The following ARSG variants were observed in gnomAD, a reference collection of about 807,000 sequenced individuals.
The protein encoded by ARSG is ASG.
A neutral mutation model predicts 50.5 loss-of-function variants in ARSG; 37 were observed. That is an observed-to-expected ratio of 0.73 (90% CI 0.56 to 0.96). ARSG has a LOEUF of 0.96. Ranked by LOEUF, ARSG falls within the 50% of genes least tolerant of loss-of-function variation. The pLI, the probability that ARSG is intolerant of heterozygous loss-of-function variation, is 0.00. For missense variants in ARSG, 629 were observed against 675.3 expected (o/e 0.93, Z 0.76); for synonymous variants, 225 against 254.6 (o/e 0.88, Z 1.11).
chr17:68,298,594 CAAAAA>C lies in ARSG; in HGVS notation c.-552+7044_-552+7048del, dbSNP rs562725952. On this transcript the variant is annotated intron_variant, in intron 1 of 11. Coordinates refer to ENST00000621439, the MANE Select transcript of ARSG (RefSeq NM_001267727.2). ...TGGGTGACAGAGCGGGATCCTGTCT[CAAAAA>C]AAAAAAAAAAAAAAAAAGAGAAGAA... is the stretch of plus-strand genomic sequence containing the variant. Among the ~76,000 whole-genome samples, 8 of 64,836 alleles carry C rather than the reference CAAAAA, an allele frequency of 1.2e-4. No homozygotes were observed. In the South Asian group the frequency reaches 3.8e-3, roughly 31 times the overall value. The allele number at this position is 64,836 out of a possible 152,430, so 42.5% of individuals were successfully genotyped here.
chr17:68,283,878 C>CAA (rs58291216), intron 1 of ARSG, among the ~76,000 whole-genome samples: 4,643 of 55,364 alleles, frequency 0.084, 476 homozygotes, highest in African/African-American at 0.26. Flanking sequence ...AACTCCGTCT[C>CAA]AAAAAAAAAA....
chr17:68,451,111 G>A, the ARSG span, among the ~76,000 whole-genome samples: 1 of 152,226 alleles, frequency 6.6e-6, no homozygotes, highest in African/African-American at 2.4e-5. Context: ...CACTTTCAGA[G>A]TCCTTTCCAA....
At chr17:68,291,988 C>T (rs1484152606) in intron 1 of ARSG, among the ~76,000 whole-genome samples, 1 of 152,014 alleles carries the variant, frequency 6.6e-6, no homozygotes, top group African/African-American at 2.4e-5. Context: ...GCGCGCGCGG[C>T]GCCTGAGTTC....
At chr17:68,414,674 T>G (rs2147456024) in intron 11 of ARSG, among the ~76,000 whole-genome samples, 1 of 152,288 alleles carries the variant, frequency 6.6e-6, no homozygotes, top group African/African-American at 2.4e-5. Flanking sequence ...GTTGTTGTTG[T>G]TGTTGGTAAT....
At chr17:68,293,169 C>G (rs2145285686) in intron 1 of ARSG, among the ~76,000 whole-genome samples, 1 of 152,324 alleles carries the variant, frequency 6.6e-6, no homozygotes, top group East Asian at 1.9e-4. Flanking sequence ...TTGAACACTT[C>G]ATGCTAATGC....
chr17:68,290,835 C>T (rs1325554910), upstream of ARSG, among the ~76,000 whole-genome samples: 1 of 152,152 alleles, frequency 6.6e-6, no homozygotes, highest in Non-Finnish European at 1.5e-5. Flanking sequence ...TTCCGGGACC[C>T]AACTGTACCA....
At chr17:68,433,778 T>G in the ARSG span, among the ~76,000 whole-genome samples, 2 of 65,754 alleles carry the variant, frequency 3.0e-5, no homozygotes, top group African/African-American at 9.3e-5. Flanking sequence ...TTTTTTTTTT[T>G]TTTTTTTTTT....
chr17:68,438,043 G>A, the ARSG span, among the ~76,000 whole-genome samples: 1 of 149,330 alleles, frequency 6.7e-6, no homozygotes, highest in Non-Finnish European at 1.5e-5. Context: ...AAAACTTTAG[G>A]TCAGGCTGAA....
At position 68,271,542 on chromosome 17, in the gene ARSG, T is replaced by C. The variant is rs2075339967; in HGVS notation, c.-552+12116T>C. 1 of 1,614,106 alleles carries C rather than the reference T, an allele frequency of 6.2e-7. No individual in the cohort carries two copies. The highest frequency in any genetic ancestry group is 1.3e-5 in the African/African-American group (1 of 74,942). ...TGACTATTTTCGGTGACGCTGGTCC[T>C]CTGATAAAGATGGGTCTGAGCAGTG... On this transcript the variant is annotated intron_variant, in intron 1 of 11. Transcript: ENST00000448504. This position sits in a 1 kb window ranked among gnomAD's most constrained non-coding sequence, Gnocchi z 5.3.
intron 2 of ARSG, among the ~76,000 whole-genome samples, chr17:68,319,828 A>G (rs2077208720): frequency 6.6e-6 from 1 of 151,958 alleles, no homozygotes; most frequent in South Asian, 2.1e-4. Context: ...CATATCTCCT[A>G]CTCCTTTTGC....
rs11077495 is a variant in ARSG at position 68,346,735 on chromosome 17, C to T, written c.407-390C>T. Reference sequence around the variant, plus strand: ...CGGGCATTTCTGAGACGATGTGGGGCGGTGCACCTGCACCCTGGGCCTCCT... The same window carrying T: ...CGGGCATTTCTGAGACGATGTGGGGTGGTGCACCTGCACCCTGGGCCTCCT... On this transcript the variant is annotated intron_variant, in intron 3 of 11. Coordinates refer to ENST00000621439, the MANE Select transcript of ARSG (RefSeq NM_001267727.2). The T allele has an allele frequency of 0.013, 16,271 of 1,266,094 alleles. 918 individuals are homozygous for T. The Admixed American group carries it at 0.14, about 11-fold the overall frequency. The allele number at this position is 1,266,094 out of a possible 1,614,324, so 78.4% of individuals were successfully genotyped here.
At chr17:68,436,480 C>G in the ARSG span, 39 of 1,613,564 alleles carry the variant, frequency 2.4e-5, no homozygotes, top group Non-Finnish European at 3.1e-5. Flanking sequence ...GCACATAGAC[C>G]TGGCAAAGAA....
chr17:68,420,192 G>A lies in ARSG; in HGVS notation c.1307G>A (p.Gly436Glu), dbSNP rs746784057. The A allele has an allele frequency of 5.6e-6, 9 of 1,613,882 alleles. No homozygotes were observed. The highest frequency in any genetic ancestry group is 1.3e-5 in the African/African-American group (1 of 75,012). Residue 436 changes from glycine (G) to glutamate (E), a missense_variant, in exon 12 of 12, where the codon GGA becomes GAA. Physicochemically the swap from Gly to Glu is moderately conservative, Grantham distance 98. Transcript: ENST00000621439. ...ERYKAFYITG[G>E]ARACDGSTGP... ...TTTGTTGTCATTCCCTCTCTAGGTG[G>A]AGCCAGGGCGTGTGATGGGAGCACG... is the stretch of plus-strand genomic sequence containing the variant.
chr17:68,264,392 C>T (rs1378355410), intron 1 of ARSG, among the ~76,000 whole-genome samples: 2 of 152,236 alleles, frequency 1.3e-5, no homozygotes, highest in Middle Eastern at 3.4e-3. Context: ...GGTTTGGACA[C>T]ATTTTGTATT....
chr17:68,376,862 C>T (rs1599952728), intron 8 of ARSG, among the ~76,000 whole-genome samples: 1 of 142,206 alleles, frequency 7.0e-6, no homozygotes. Flanking sequence ...CCTCAGTCAT[C>T]TTTTTTTTTT....
intron 1 of ARSG, chr17:68,270,697 A>T (rs1343206893): frequency 2.9e-6 from 2 of 701,014 alleles, no homozygotes; most frequent in East Asian, 5.4e-5. Flanking sequence ...GGGCTGGCTC[A>T]GGTAATCTCT....
intron 6 of ARSG, among the ~76,000 whole-genome samples, chr17:68,365,767 G>A (rs531180086): frequency 6.6e-5 from 10 of 152,192 alleles, no homozygotes; most frequent in South Asian, 4.1e-4. Context: ...AGATGTCACC[G>A]AATATGGCAT....
intron 9 of ARSG, among the ~76,000 whole-genome samples, chr17:68,391,901 C>T (rs2081009749): frequency 1.3e-5 from 2 of 152,184 alleles, no homozygotes; most frequent in African/African-American, 4.8e-5. Context: ...ACATTCTGCA[C>T]TGTAGTCAAT....
At chr17:68,346,943 T>C (rs2078533694) in intron 3 of ARSG, 182 bp from the exon 4 acceptor site, 1 of 1,511,108 alleles carries the variant, frequency 6.6e-7, no homozygotes, top group African/African-American at 1.4e-5. Flanking sequence ...TATGTGTCCC[T>C]GTGGACACCG....
Sources: gnomAD v4.1 joint callset for allele counts (sites outside exome capture counted in the v4.1 genomes callset) on GRCh38, gnomAD v4.1.1 for gene constraint, Gnocchi (gnomAD v3.1) non-coding constraint, MANE v1.5 for transcripts, NCBI Gene and HGNC (gene_info 2026-07-23, HGNC 2026-07-21) for gene names.